Variants in STK4 observed in about 807,000 individuals in gnomAD.
STK4 encodes serine/threonine-protein kinase 4.
STK4 carries 30 observed loss-of-function variants against 64.9 expected under a neutral mutation model. The observed-to-expected ratio is 0.46, with a 90% confidence interval of 0.35 to 0.63. STK4 has a LOEUF of 0.63. Ranked by LOEUF, STK4 falls within the 20% of genes least tolerant of loss-of-function variation. The probability of loss-of-function intolerance (pLI) is 0.01; values close to 1 mark genes in which losing one functional copy is unlikely to be tolerated. For synonymous variants in STK4, 177 were observed against 199.0 expected (o/e 0.89, Z 0.93); for missense variants, 466 against 598.5 (o/e 0.78, Z 2.31).
chr20:44,979,385 G>GTAAGC (rs2067397740), intron 3 of STK4, among the ~76,000 whole-genome samples: 1 of 152,012 alleles, frequency 6.6e-6, no homozygotes, highest in Non-Finnish European at 1.5e-5. Flanking sequence ...ATTTATTTTT[G>GTAAGC]AGGAACTAAG....
intron 5 of STK4, among the ~76,000 whole-genome samples, chr20:44,988,533 GTA>G (rs71197589): frequency 0.033 from 3,323 of 101,378 alleles, 91 homozygotes; most frequent in African/African-American, 0.087. Context: ...ATGTGTGTGT[GTA>G]TATATATATA....
At chr20:45,024,923 C>T (rs1427029669) in intron 9 of STK4, 50 bp from the exon 10 acceptor site, 3 of 1,466,958 alleles carry the variant, frequency 2.0e-6, no homozygotes, top group South Asian at 1.4e-5. Flanking sequence ...ATTAAACTTA[C>T]CTAAAATTTA....
intron 9 of STK4, among the ~76,000 whole-genome samples, chr20:45,024,709 CT>C: frequency 6.6e-6 from 1 of 152,194 alleles, no homozygotes; most frequent in East Asian, 1.9e-4. Context: ...TCACCCAAAT[CT>C]TTCCATTTAG....
chr20:45,030,265 C>A (rs1195063059), intron 10 of STK4, among the ~76,000 whole-genome samples: 1 of 152,026 alleles, frequency 6.6e-6, no homozygotes, highest in Non-Finnish European at 1.5e-5. Context: ...GCCACCACAC[C>A]CAGCTAATTT....
At chr20:45,055,966 C>T (rs1978445920) in intron 10 of STK4, among the ~76,000 whole-genome samples, 1 of 152,200 alleles carries the variant, frequency 6.6e-6, no homozygotes, top group Non-Finnish European at 1.5e-5. Flanking sequence ...CTCCTGACCT[C>T]ATGATCTGCC....
intron 5 of STK4, among the ~76,000 whole-genome samples, chr20:44,991,814 C>T (rs6073592): frequency 0.023 from 3,555 of 152,062 alleles, 72 homozygotes; most frequent in Middle Eastern, 0.041. Context: ...AGACGCACAC[C>T]ACCACCCCCA....
intron 7 of STK4, among the ~76,000 whole-genome samples, chr20:44,999,243 A>G (rs995743622): frequency 5.9e-5 from 9 of 152,200 alleles, no homozygotes; most frequent in South Asian, 2.1e-4. Flanking sequence ...CTAAGTGGAA[A>G]GAACAAGGCA....
At chr20:45,044,987 T>C (rs1203672193) in intron 10 of STK4, among the ~76,000 whole-genome samples, 1 of 152,244 alleles carries the variant, frequency 6.6e-6, no homozygotes, top group Non-Finnish European at 1.5e-5. Context: ...CCAAGAATTA[T>C]AAGGCCGTTG....
Position 44,978,582 on chromosome 20 carries a change from G to A in STK4, c.245+11G>A. 1 of 1,613,274 alleles carries A rather than the reference G, an allele frequency of 6.2e-7. No individual in the cohort carries two copies. The highest frequency in any genetic ancestry group is 1.7e-4 in the Middle Eastern group (1 of 6,054). On this transcript the variant is annotated intron_variant, in intron 3 of 10. Transcript: ENST00000372806. ...GCAGCAATGTGACAGGTAAAGGCATGTGGGCTTCCTTTGGGGAGAATGTGG... is the reference window on the plus strand; with the variant it reads ...GCAGCAATGTGACAGGTAAAGGCATATGGGCTTCCTTTGGGGAGAATGTGG...
At chr20:45,041,189 A>T (rs1298910214) in intron 10 of STK4, among the ~76,000 whole-genome samples, 1 of 151,950 alleles carries the variant, frequency 6.6e-6, no homozygotes, top group East Asian at 1.9e-4. Flanking sequence ...AATTATATAA[A>T]CTATATGGTT....
At chr20:45,073,169 A>G (rs563288329) in intron 10 of STK4, among the ~76,000 whole-genome samples, 1 of 152,338 alleles carries the variant, frequency 6.6e-6, no homozygotes, top group South Asian at 2.1e-4. Context: ...TGAAAATGCC[A>G]AAGACTAGGC....
At chr20:45,048,205 G>A (rs1568753535) in intron 10 of STK4, among the ~76,000 whole-genome samples, 1 of 152,102 alleles carries the variant, frequency 6.6e-6, no homozygotes, top group African/African-American at 2.4e-5. Context: ...TTATTTATGG[G>A]ACCAGTAACT....
chr20:45,025,257 G>A (rs911565093), intron 10 of STK4, 127 bp downstream of exon 10: 1 of 1,079,242 alleles, frequency 9.3e-7, no homozygotes, highest in Non-Finnish European at 1.3e-6. Context: ...TGTCTACTGA[G>A]CTGAAGGACA....
At chr20:45,044,952 C>G (rs917137868) in intron 10 of STK4, among the ~76,000 whole-genome samples, 2 of 151,662 alleles carry the variant, frequency 1.3e-5, no homozygotes, top group African/African-American at 2.4e-5. Context: ...AGTTTACTTT[C>G]AAAACTTTGG....
chr20:44,981,521 C>A (rs2067439195), intron 3 of STK4, among the ~76,000 whole-genome samples: 1 of 152,092 alleles, frequency 6.6e-6, no homozygotes. Context: ...TCTAAATTTC[C>A]ACTTTTGTCA....
chr20:44,967,656 A>G (rs1356228739), intron 1 of STK4, among the ~76,000 whole-genome samples: 1 of 151,864 alleles, frequency 6.6e-6, no homozygotes, highest in Non-Finnish European at 1.5e-5. Flanking sequence ...CTAAAGAAGG[A>G]AGTGTTCAGG....
At chr20:45,050,557 G>T (rs1050503157) in intron 10 of STK4, among the ~76,000 whole-genome samples, 1 of 151,958 alleles carries the variant, frequency 6.6e-6, no homozygotes, top group East Asian at 1.9e-4. Flanking sequence ...TTTCCCTATC[G>T]TTTTTGGTAT....
In STK4 at chr20:44,989,489, A is replaced by G. The variant is rs146393778; in HGVS notation, c.525+2193A>G. ...TATTGTTGAATTAAGAGTTCTTTAT[A>G]TATTTTAGATATAAGTCTCTTATGT... On this transcript the variant is annotated intron_variant, in intron 5 of 10. Coordinates refer to ENST00000372806, the MANE Select transcript of STK4 (RefSeq NM_006282.5). Among the ~76,000 whole-genome samples the G allele has an allele frequency of 2.6e-3, 394 of 152,024 alleles. 2 individuals are homozygous for G. The highest frequency in any genetic ancestry group is 0.014 in the Middle Eastern group (4 of 294).
intron 9 of STK4, among the ~76,000 whole-genome samples, chr20:45,014,934 C>T (rs1047404726): frequency 6.6e-6 from 1 of 152,186 alleles, no homozygotes; most frequent in African/African-American, 2.4e-5. Flanking sequence ...GATGATTCCT[C>T]TTTAAAACTT....
Sources: gnomAD v4.1 joint callset for allele counts (sites outside exome capture counted in the v4.1 genomes callset) on GRCh38, gnomAD v4.1.1 for gene constraint, MANE v1.5 for transcripts, NCBI Gene and HGNC (gene_info 2026-07-23, HGNC 2026-07-21) for gene names.